HORMAD2: variants seen among roughly 807,000 people sequenced by gnomAD.
The protein encoded by HORMAD2 is HORMA domain-containing protein 2.
In HORMAD2, 45 loss-of-function variants were observed where a neutral mutation model predicts 38.8. The observed-to-expected ratio is 1.16, with a 90% confidence interval of 0.91 to 1.49. The LOEUF (loss-of-function observed/expected upper bound fraction) is 1.49. Ranked by LOEUF, HORMAD2 falls within the 40% of genes most tolerant of loss-of-function variation. The pLI is 0.00. For missense variants in HORMAD2, 338 were observed against 367.0 expected, an observed-to-expected ratio of 0.92 and a Z score of 0.65; for synonymous variants, 126 against 122.8, an observed-to-expected ratio of 1.03 and a Z score of -0.17.
the HORMAD2 span, among the ~76,000 whole-genome samples, chr22:30,205,587 C>T: frequency 6.6e-6 from 1 of 152,182 alleles, no homozygotes; most frequent in Admixed American, 6.5e-5. Context: ...CTTGGGAAGA[C>T]AGCTGGAAGG....
the HORMAD2 span, among the ~76,000 whole-genome samples, chr22:30,201,317 T>C: frequency 6.6e-6 from 1 of 152,022 alleles, no homozygotes; most frequent in African/African-American, 2.4e-5. Flanking sequence ...ACTTAGGGCC[T>C]ACTCTCCTCC....
chr22:30,195,011 C>T, the HORMAD2 span, among the ~76,000 whole-genome samples: 2 of 151,782 alleles, frequency 1.3e-5, no homozygotes, highest in Non-Finnish European at 2.9e-5. Flanking sequence ...GCTAACACAG[C>T]GAAACCCCAT....
chr22:30,115,453 G>A (rs1001104631), intron 7 of HORMAD2, among the ~76,000 whole-genome samples: 25 of 152,234 alleles, frequency 1.6e-4, no homozygotes, highest in Admixed American at 1.6e-3. Flanking sequence ...ACTATAAGTA[G>A]TGTCCATTTC....
At chr22:30,200,308 C>A in the HORMAD2 span, among the ~76,000 whole-genome samples, 1 of 151,912 alleles carries the variant, frequency 6.6e-6, no homozygotes, top group Admixed American at 6.6e-5. Flanking sequence ...TGGGAGTAAA[C>A]AAATTTCTAA....
chr22:30,101,473 T>C (rs1920944473), intron 3 of HORMAD2, among the ~76,000 whole-genome samples: 1 of 151,626 alleles, frequency 6.6e-6, no homozygotes, highest in South Asian at 2.1e-4. Context: ...TTAGGACAAA[T>C]ACCTAATGCA....
At chr22:30,155,167 G>T (rs1924992955) in intron 10 of HORMAD2, among the ~76,000 whole-genome samples, 1 of 151,572 alleles carries the variant, frequency 6.6e-6, no homozygotes, top group Admixed American at 6.6e-5. Context: ...ACATGATTTT[G>T]ATTTGTCCCA....
chr22:30,183,934 C>G, the HORMAD2 span, among the ~76,000 whole-genome samples: 1 of 152,186 alleles, frequency 6.6e-6, no homozygotes, highest in Non-Finnish European at 1.5e-5. Flanking sequence ...GTGCACAACC[C>G]CATGATGTTT....
At chr22:30,126,527 T>A (rs1399742540) in intron 10 of HORMAD2, among the ~76,000 whole-genome samples, 1 of 152,152 alleles carries the variant, frequency 6.6e-6, no homozygotes, top group Non-Finnish European at 1.5e-5. Flanking sequence ...TTTTTACATG[T>A]TGTTGTAGAC....
At chr22:30,147,709 T>G (rs892199870) in intron 10 of HORMAD2, among the ~76,000 whole-genome samples, 1 of 152,140 alleles carries the variant, frequency 6.6e-6, no homozygotes, top group Non-Finnish European at 1.5e-5. Context: ...TACCTATATC[T>G]GACAAAGAAC....
chr22:30,151,248 C>T (rs1227660387), intron 10 of HORMAD2, among the ~76,000 whole-genome samples: 1 of 152,068 alleles, frequency 6.6e-6, no homozygotes, highest in Non-Finnish European at 1.5e-5. Flanking sequence ...GTTTGCATTT[C>T]TGCCTTTTAA....
chr22:30,121,050 A>G (rs1347955442), intron 8 of HORMAD2, among the ~76,000 whole-genome samples: 1 of 152,228 alleles, frequency 6.6e-6, no homozygotes. Flanking sequence ...CCTATTAGTA[A>G]TATTATTTCA....
chr22:30,179,023 C>G (rs1331498262), downstream of HORMAD2, among the ~76,000 whole-genome samples: 1 of 152,102 alleles, frequency 6.6e-6, no homozygotes, highest in Non-Finnish European at 1.5e-5. Flanking sequence ...TGGAAATGTT[C>G]ATCAGTATCA....
chr22:30,144,522 T>C (rs976798852), intron 10 of HORMAD2, among the ~76,000 whole-genome samples: 5 of 152,364 alleles, frequency 3.3e-5, no homozygotes, highest in Admixed American at 3.3e-4. Context: ...TATGCACTGC[T>C]TCTCCCCTTG....
the HORMAD2 span, among the ~76,000 whole-genome samples, chr22:30,184,254 C>T: frequency 1.7e-4 from 26 of 152,280 alleles, no homozygotes; most frequent in East Asian, 5.0e-3. Flanking sequence ...TGTTCAGAAA[C>T]TTCCCAGCAT....
intron 10 of HORMAD2, among the ~76,000 whole-genome samples, chr22:30,154,130 C>T (rs1924926578): frequency 1.3e-5 from 2 of 152,050 alleles, no homozygotes; most frequent in African/African-American, 2.4e-5. Flanking sequence ...TTTCTCTGGC[C>T]TTCTTTCTGT....
intron 7 of HORMAD2, among the ~76,000 whole-genome samples, chr22:30,117,166 A>G (rs1284152525): frequency 1.3e-5 from 2 of 152,234 alleles, no homozygotes; most frequent in Non-Finnish European, 2.9e-5. Flanking sequence ...ACCTGTAATT[A>G]AGTTTCATGT....
At chr22:30,100,908 G>A (rs1383844993) in intron 3 of HORMAD2, among the ~76,000 whole-genome samples, 2 of 152,192 alleles carry the variant, frequency 1.3e-5, no homozygotes, top group Admixed American at 1.3e-4. Flanking sequence ...AGTTAGAACG[G>A]AAATCACTAA....
At chr22:30,174,621 C>G (rs1031698280) in intron 10 of HORMAD2, among the ~76,000 whole-genome samples, 5 of 152,122 alleles carry the variant, frequency 3.3e-5, no homozygotes, top group African/African-American at 1.2e-4. Context: ...AACTATTAAA[C>G]CATCAGGTCA....
intron 10 of HORMAD2, among the ~76,000 whole-genome samples, chr22:30,141,620 A>G (rs1601566067): frequency 1.5e-5 from 2 of 137,050 alleles, no homozygotes; most frequent in East Asian, 4.3e-4. Flanking sequence ...TTTGAGACGG[A>G]GTCTTGCTCT....
Sources: gnomAD v4.1 joint callset for allele counts (sites outside exome capture counted in the v4.1 genomes callset) on GRCh38, gnomAD v4.1.1 for gene constraint, MANE v1.5 for transcripts, NCBI Gene and HGNC (gene_info 2026-07-23, HGNC 2026-07-21) for gene names.